Variants in PRKCE observed in about 807,000 individuals in gnomAD.
PRKCE encodes the protein protein kinase C epsilon type.
PRKCE carries 16 observed loss-of-function variants against 85.4 expected under a neutral mutation model. The observed-to-expected ratio is 0.19, with a 90% CI of 0.13 to 0.28. The LOEUF is 0.28. Among genes scored for constraint, PRKCE ranks in the 10% least tolerant of loss-of-function variants. PRKCE has a pLI of 1.00. For synonymous variants in PRKCE, 388 were observed against 371.5 expected, an observed-to-expected ratio of 1.04 and a Z score of -0.51; for missense variants, 573 against 975.2, an observed-to-expected ratio of 0.59 and a Z score of 5.49.
intron 2 of PRKCE, among the ~76,000 whole-genome samples, chr2:45,864,736 T>C (rs750234383): frequency 6.6e-6 from 1 of 152,238 alleles, no homozygotes; most frequent in Non-Finnish European, 1.5e-5. Context: ...GTATAATTGT[T>C]TGCGTGGGAG....
At position 45,900,957 on chromosome 2, in the gene PRKCE, A is replaced by C. The variant is rs146121248; in HGVS notation, c.412+57894A>C. On this transcript the variant is annotated intron_variant, in intron 2 of 14. Transcript: ENST00000306156. The stretch of plus-strand genomic sequence containing the variant: ...AACAAATGAGTAAGGCAATACAGGT[A>C]CTGTAAGGACTTTGGGAAAGAAACT... Among the ~76,000 whole-genome samples, 324 of 152,338 alleles carry C rather than the reference A, an allele frequency of 2.1e-3. 2 individuals are homozygous for C. Among genetic ancestry groups the C allele is most frequent in the African/African-American group, 7.4e-3 (307 of 41,580 alleles).
At chr2:45,854,318 C>A (rs1476040327) in intron 2 of PRKCE, among the ~76,000 whole-genome samples, 1 of 152,158 alleles carries the variant, frequency 6.6e-6, no homozygotes, top group African/African-American at 2.4e-5. Context: ...AGTGGGGAAC[C>A]AGACCTAGAG....
At chr2:46,144,381 G>A (rs1266852495) in intron 11 of PRKCE, among the ~76,000 whole-genome samples, 1 of 152,138 alleles carries the variant, frequency 6.6e-6, no homozygotes, top group African/African-American at 2.4e-5. Context: ...CTTTTTCCTA[G>A]CATTCCAGGC....
At chr2:45,937,450 C>T (rs749665048) in intron 2 of PRKCE, among the ~76,000 whole-genome samples, 1 of 152,220 alleles carries the variant, frequency 6.6e-6, no homozygotes, top group African/African-American at 2.4e-5. Flanking sequence ...TGGTGGCTCA[C>T]GCCTGTAATC....
intron 1 of PRKCE, among the ~76,000 whole-genome samples, chr2:45,744,628 G>C (rs1338685658): frequency 6.9e-6 from 1 of 145,076 alleles, no homozygotes; most frequent in Non-Finnish European, 1.5e-5. Context: ...TTCTTTTGGA[G>C]ACAGAGTCTC....
At chr2:45,839,809 G>A (rs149795028) in intron 1 of PRKCE, among the ~76,000 whole-genome samples, 95 of 152,364 alleles carry the variant, frequency 6.2e-4, no homozygotes, top group Non-Finnish European at 1.3e-3. Context: ...CGCTTGGCTA[G>A]CTGGGGCTTG....
intron 6 of PRKCE, among the ~76,000 whole-genome samples, chr2:45,987,641 C>T (rs1027619063): frequency 2.0e-5 from 3 of 152,118 alleles, no homozygotes; most frequent in Admixed American, 6.5e-5. Context: ...TGCACAGCCA[C>T]GGAACCTGCA....
chr2:46,178,113 A>G (rs1679607318), intron 14 of PRKCE, among the ~76,000 whole-genome samples: 1 of 152,234 alleles, frequency 6.6e-6, no homozygotes, highest in Non-Finnish European at 1.5e-5. Context: ...TACAAAAGCT[A>G]GCCAGGCGTG....
chr2:46,162,314 C>G (rs1035661252), intron 14 of PRKCE, among the ~76,000 whole-genome samples: 1 of 152,184 alleles, frequency 6.6e-6, no homozygotes, highest in Admixed American at 6.5e-5. Context: ...TGTTTGCTTT[C>G]TTTTGCCTGG....
chr2:45,993,145 T>G (rs192406228), intron 6 of PRKCE, among the ~76,000 whole-genome samples: 11 of 144,514 alleles, frequency 7.6e-5, no homozygotes, highest in Non-Finnish European at 1.5e-5. Flanking sequence ...TCCCCAGTAG[T>G]GTTGTGAGGG....
At chr2:45,964,399 C>T (rs1701595562) in intron 2 of PRKCE, among the ~76,000 whole-genome samples, 1 of 152,240 alleles carries the variant, frequency 6.6e-6, no homozygotes, top group South Asian at 2.1e-4. Flanking sequence ...CTCAGATCAT[C>T]ACTGGCACCA....
At chr2:45,815,920 C>G (rs1408739635) in intron 1 of PRKCE, among the ~76,000 whole-genome samples, 1 of 152,132 alleles carries the variant, frequency 6.6e-6, no homozygotes, top group Non-Finnish European at 1.5e-5. Context: ...TCCACAAATC[C>G]CATGCCAGCC....
At chr2:45,961,233 C>G (rs1364814519) in intron 2 of PRKCE, among the ~76,000 whole-genome samples, 1 of 151,964 alleles carries the variant, frequency 6.6e-6, no homozygotes, top group African/African-American at 2.4e-5. Flanking sequence ...TACCTACCTC[C>G]TTTCCCCCCC....
chr2:45,999,085 T>G (rs1392343299), intron 6 of PRKCE, among the ~76,000 whole-genome samples: 6 of 152,220 alleles, frequency 3.9e-5, no homozygotes, highest in Admixed American at 3.9e-4. Flanking sequence ...ACTAATATTA[T>G]GATTTTGGGC....
chr2:46,110,657 A>G (rs1389658442), intron 11 of PRKCE, among the ~76,000 whole-genome samples: 1 of 149,874 alleles, frequency 6.7e-6, no homozygotes, highest in African/African-American at 2.5e-5. Flanking sequence ...TGGTTTTATT[A>G]ATTTTTCTCT....
At chr2:45,674,355 G>T (rs1237918348) in intron 1 of PRKCE, among the ~76,000 whole-genome samples, 1 of 152,164 alleles carries the variant, frequency 6.6e-6, no homozygotes. Flanking sequence ...TTTATCTGGA[G>T]GGTGACATGG....
At chr2:45,938,144 C>T (rs1021270757) in intron 2 of PRKCE, among the ~76,000 whole-genome samples, 1 of 152,180 alleles carries the variant, frequency 6.6e-6, no homozygotes, top group African/African-American at 2.4e-5. Flanking sequence ...AGACTGTTCA[C>T]ACCCACATAG....
chr2:45,839,283 A>G (rs186169072), intron 1 of PRKCE, among the ~76,000 whole-genome samples: 1 of 152,284 alleles, frequency 6.6e-6, no homozygotes, highest in African/African-American at 2.4e-5. Flanking sequence ...TAAAGGACAA[A>G]ATGGATTCTG....
intron 1 of PRKCE, among the ~76,000 whole-genome samples, chr2:45,753,462 C>T (rs1005739170): frequency 1.3e-5 from 2 of 151,656 alleles, no homozygotes; most frequent in Non-Finnish European, 2.9e-5. Flanking sequence ...TACTTGTATT[C>T]CAATATACCA....
Sources: gnomAD v4.1 joint callset for allele counts (sites outside exome capture counted in the v4.1 genomes callset) on GRCh38, gnomAD v4.1.1 for gene constraint, MANE v1.5 for transcripts, NCBI Gene and HGNC (gene_info 2026-07-23, HGNC 2026-07-21) for gene names.